Variants in KAT6A observed in about 807,000 individuals in gnomAD.
KAT6A encodes lysine acetyltransferase 6A, also known as histone acetyltransferase KAT6A.
A neutral mutation model predicts 198.4 loss-of-function variants in KAT6A; 9 were observed. The observed-to-expected ratio is 0.05, with a 90% CI of 0.03 to 0.08. The LOEUF is 0.08. Among genes scored for constraint, KAT6A ranks in the 10% least tolerant of loss-of-function variants. The pLI, the probability that KAT6A is intolerant of heterozygous loss-of-function variation, is 1.00. For missense variants in KAT6A, 2,077 were observed against 2,509.9 expected, an observed-to-expected ratio of 0.83 and a Z score of 3.69; for synonymous variants, 890 against 883.0, an observed-to-expected ratio of 1.01 and a Z score of -0.14.
chr8:41,944,005 C>T, intron 12 of KAT6A, 26 bp from the exon 13 acceptor site: 1 of 1,540,664 alleles, frequency 6.5e-7, no homozygotes, highest in Non-Finnish European at 9.0e-7. Flanking sequence ...TAACTCAAAT[C>T]AGAACTAGGT....
rs112340515 is a variant in KAT6A, at chr8:41,987,443, G to A, written c.709+12C>T. ...ACACATTTTAGAAGAAAAACAGAAG[G>A]AAATCACATACCACTGTTGCCACAG... is the stretch of plus-strand genomic sequence containing the variant. On this transcript the variant is annotated intron_variant, in intron 3 of 16. Transcript: ENST00000265713. 40 of 1,510,076 alleles carry A rather than the reference G, an allele frequency of 2.6e-5. No individual in the cohort carries two copies. The African/African-American group carries it at 2.8e-4, about 10-fold the overall frequency. 93.5% of individuals were successfully genotyped at this position (1,510,076 alleles called of 1,614,324 possible).
At chr8:41,964,338 A>G (rs1337775952) in intron 8 of KAT6A, among the ~76,000 whole-genome samples, 1 of 152,150 alleles carries the variant, frequency 6.6e-6, no homozygotes, top group Non-Finnish European at 1.5e-5. Context: ...GAGGGTATCT[A>G]TTACTAACCA....
intron 2 of KAT6A, among the ~76,000 whole-genome samples, chr8:42,026,350 A>C (rs979336781): frequency 4.6e-5 from 7 of 152,114 alleles, no homozygotes; most frequent in African/African-American, 1.7e-4. Flanking sequence ...TAATCTGTAG[A>C]TTGCTTTGGG....
chr8:42,010,786 T>A (rs1825984485), intron 2 of KAT6A, among the ~76,000 whole-genome samples: 1 of 152,238 alleles, frequency 6.6e-6, no homozygotes, highest in Non-Finnish European at 1.5e-5. Flanking sequence ...TGTGCTCTAC[T>A]ATGTGCCCAA....
intron 2 of KAT6A, among the ~76,000 whole-genome samples, chr8:42,000,316 T>C (rs1587807010): frequency 6.6e-6 from 1 of 152,210 alleles, no homozygotes; most frequent in South Asian, 2.1e-4. Flanking sequence ...TTTGGGAGGC[T>C]GATGCGGGTG....
At chr8:42,044,187 G>A (rs1409719302) in intron 2 of KAT6A, among the ~76,000 whole-genome samples, 1 of 145,086 alleles carries the variant, frequency 6.9e-6, no homozygotes, top group South Asian at 2.2e-4. Flanking sequence ...TACAACCTCC[G>A]CCTCCTGGGT....
At position 42,031,040 on chromosome 8, in the gene KAT6A, G is replaced by GT. The variant is rs1270658143; in HGVS notation, c.600+17337_600+17338insA. ...GCTGCCAAATGCAAAAAAAAAAAAG[G>GT]GGGGGGGGACAGGAGAAATGTATAC... On this transcript the variant is annotated intron_variant, in intron 2 of 16. Transcript: ENST00000265713. Among the ~76,000 whole-genome samples, 254 of 131,288 alleles carry GT rather than the reference G, an allele frequency of 1.9e-3. 1 individual carries two copies. The highest frequency in any genetic ancestry group is 4.0e-3 in the Admixed American group (54 of 13,440). The allele number at this position is 131,288 out of a possible 152,430, so 86.1% of individuals were successfully genotyped here. A position where few individuals can be genotyped will look rare whatever the true frequency, so the allele number is the denominator to read the frequency against.
rs1399122172 is a variant in KAT6A at position 41,933,140 on chromosome 8, G to A, written c.5080C>T (p.Pro1694Ser). 1.2e-6 allele frequency: 2 copies of A among 1,605,570 alleles called. No individual in the cohort carries two copies. The highest frequency in any genetic ancestry group is 2.2e-5 in the East Asian group (1 of 44,814). ...AGCGGGGGCTGCTGCTGGGGAGGGGGTGGGGGTGGAGGCTGCTGGGGCTGA... is the reference window on the plus strand; with the variant it reads ...AGCGGGGGCTGCTGCTGGGGAGGGGATGGGGGTGGAGGCTGCTGGGGCTGA... ...QPQPQQPPPP[P>S]PPQQQPPLSQ... is the part of the protein sequence containing the mutation. Residue 1694 changes from proline to serine, a missense_variant, in exon 17 of 17, where the codon CCC (proline) becomes TCC (serine). Pro to Ser is a moderately conservative substitution (Grantham distance 74, BLOSUM62 -1). Transcript: ENST00000265713. The surrounding 1 kb of genome is among the most constrained non-coding windows in gnomAD (Gnocchi z 6.2).
chr8:41,933,237 C>T lies in KAT6A; in HGVS notation c.4983G>A (p.Pro1661=), dbSNP rs745373006. The T allele has an allele frequency of 1.4e-5, 21 of 1,550,048 alleles. No individual in the cohort carries two copies. The highest frequency in any genetic ancestry group is 2.4e-5 in the East Asian group (1 of 41,950). Reference sequence around the variant, plus strand: ...GTGCTGGTTGTGGTTGTGGCGGCGGCGGCTGTGGCTGCTGTGGAGGCGGTG... The same window carrying T: ...GTGCTGGTTGTGGTTGTGGCGGCGGTGGCTGTGGCTGCTGTGGAGGCGGTG... The part of the protein sequence containing the change: ...PPPPPPQQPQ[P]PPPQPQPAPQ... Residue 1661 remains proline, a synonymous_variant, in exon 17 of 17, where the codon CCG becomes CCA. Transcript: ENST00000265713. The surrounding 1 kb of genome is among the most constrained non-coding windows in gnomAD (Gnocchi z 6.2).
intron 2 of KAT6A, among the ~76,000 whole-genome samples, chr8:42,029,317 T>C (rs1826992603): frequency 6.6e-6 from 1 of 152,192 alleles, no homozygotes; most frequent in Non-Finnish European, 1.5e-5. Flanking sequence ...TATGTCTGTA[T>C]CTTTTGTAAG....
At chr8:41,968,729 C>T (rs1823633819) in intron 8 of KAT6A, among the ~76,000 whole-genome samples, 2 of 152,092 alleles carry the variant, frequency 1.3e-5, no homozygotes, top group Non-Finnish European at 2.9e-5. Context: ...TCTCCAAGCT[C>T]GTAAGATCAT....
intron 9 of KAT6A, 117 bp from the exon 10 acceptor site, chr8:41,949,480 ACTGCATATGC>A: frequency 3.4e-6 from 2 of 594,454 alleles, no homozygotes; most frequent in Non-Finnish European, 5.1e-6. Flanking sequence ...TAAAAAAAAA[ACTGCATATGC>A]AAAAATACTG....
chr8:41,981,334 T>C (rs1033541539), intron 4 of KAT6A, among the ~76,000 whole-genome samples: 2 of 151,992 alleles, frequency 1.3e-5, no homozygotes, highest in Admixed American at 6.6e-5. Flanking sequence ...AATAAATAAA[T>C]AAAAGAGATG....
At chr8:42,004,030 G>T (rs1041491771) in intron 2 of KAT6A, among the ~76,000 whole-genome samples, 8 of 152,180 alleles carry the variant, frequency 5.3e-5, no homozygotes, top group Non-Finnish European at 8.8e-5. Context: ...CTAGTAGTCA[G>T]CTAGTGAAAT....
chr8:41,967,080 A>G (rs781431341), intron 8 of KAT6A, among the ~76,000 whole-genome samples: 1 of 152,144 alleles, frequency 6.6e-6, no homozygotes, highest in Non-Finnish European at 1.5e-5. Flanking sequence ...GATTTCAAAA[A>G]TGCTCTGTAA....
chr8:41,939,093 C>T (rs576606698), intron 15 of KAT6A, among the ~76,000 whole-genome samples: 73 of 151,776 alleles, frequency 4.8e-4, no homozygotes, highest in Non-Finnish European at 5.3e-4. Flanking sequence ...TGAAGTATCA[C>T]GTAAATATCT....
chr8:41,930,682 A>ATG lies in KAT6A; in HGVS notation c.*1521_*1522dup, dbSNP rs1167805914. 671 of 91,732 alleles carry ATG rather than the reference A, an allele frequency of 7.3e-3. 10 individuals carry two copies. Among genetic ancestry groups the ATG allele is most frequent in the East Asian group, 0.022 (83 of 3,826 alleles). The allele number at this position is 91,732 out of a possible 1,614,324, so 5.7% of individuals were successfully genotyped here. On this transcript the variant is annotated 3_prime_UTR_variant, in exon 17 of 17. Coordinates refer to ENST00000265713, the MANE Select transcript of KAT6A (RefSeq NM_006766.5). ...AATGATGGAATATATATATATATATATGTGTGTGTGTGTGTGTGTGTGTGT... is the reference window on the plus strand; with the variant it reads ...AATGATGGAATATATATATATATATATGTGTGTGTGTGTGTGTGTGTGTGTGT...
At chr8:42,019,863 A>G (rs1023493209) in intron 2 of KAT6A, among the ~76,000 whole-genome samples, 1 of 152,112 alleles carries the variant, frequency 6.6e-6, no homozygotes, top group Non-Finnish European at 1.5e-5. Flanking sequence ...GCTCTTTAGG[A>G]GTTCTAACTA....
At chr8:41,971,901 A>G (rs1208321822) in intron 8 of KAT6A, among the ~76,000 whole-genome samples, 1 of 152,084 alleles carries the variant, frequency 6.6e-6, no homozygotes, top group Non-Finnish European at 1.5e-5. Flanking sequence ...GACAGAGAAA[A>G]AAAAAATCAA....
Sources: gnomAD v4.1 joint callset for allele counts (sites outside exome capture counted in the v4.1 genomes callset) on GRCh38, gnomAD v4.1.1 for gene constraint, Gnocchi (gnomAD v3.1) non-coding constraint, MANE v1.5 for transcripts, NCBI Gene and HGNC (gene_info 2026-07-23, HGNC 2026-07-21) for gene names.